ABCB1: variants seen among roughly 807,000 people sequenced by gnomAD.
ABCB1 encodes ATP binding cassette subfamily B member 1, also known as ATP-dependent translocase ABCB1.
In ABCB1, 69 loss-of-function variants were observed where a neutral mutation model predicts 142.0. The observed-to-expected ratio is 0.49, with a 90% CI of 0.40 to 0.59. ABCB1 has a LOEUF of 0.59. ABCB1 is among the 20% of genes least tolerant of loss of function. The probability of loss-of-function intolerance (pLI) is 0.00; values close to 1 mark genes in which losing one functional copy is unlikely to be tolerated. For synonymous variants in ABCB1, 532 were observed against 539.2 expected (o/e 0.99, Z 0.18); for missense variants, 1,326 against 1,554.7 (o/e 0.85, Z 2.47).
rs1171988954 is a variant in ABCB1, at chr7:87,515,892, T to C, written c.3085-464A>G. 3.3e-5 allele frequency among the ~76,000 whole-genome samples: 5 copies of C among 152,300 alleles called. No individual in the cohort carries two copies. The South Asian group carries it at 8.3e-4, about 25-fold the overall frequency. ...GATTACAGGCATGAGCCACTGTGCT[T>C]GACCTCAGACTGCTAGAATTTAATA... On this transcript the variant is annotated intron_variant, in intron 24 of 27. Coordinates refer to ENST00000622132, the MANE Select transcript of ABCB1 (RefSeq NM_001348946.2).
intron 1 of ABCB1, among the ~76,000 whole-genome samples, chr7:87,644,855 A>C (rs942043859): frequency 6.6e-6 from 1 of 151,906 alleles, no homozygotes; most frequent in African/African-American, 2.4e-5. Flanking sequence ...CATTAAAGAA[A>C]ATTATTTTTG....
At chr7:87,556,918 C>G (rs1166875120) in intron 8 of ABCB1, among the ~76,000 whole-genome samples, 1 of 152,036 alleles carries the variant, frequency 6.6e-6, no homozygotes, top group Non-Finnish European at 1.5e-5. Flanking sequence ...ATGACGTTTC[C>G]TAGAACATAC....
At chr7:87,628,896 AGCG>A in intron 1 of ABCB1, 1 of 1,304,556 alleles carries the variant, frequency 7.7e-7, no homozygotes. Flanking sequence ...GAAAAGCCTG[AGCG>A]CCCGCAATGC....
intron 15 of ABCB1, 107 bp from the exon 16 acceptor site, chr7:87,545,106 C>T (rs1584865870): frequency 4.0e-6 from 4 of 991,500 alleles, no homozygotes; most frequent in Non-Finnish European, 4.6e-6. Flanking sequence ...TGTTTAGTAA[C>T]TGCAGAAAAG....
chr7:87,583,342 G>A (rs1473429760), intron 4 of ABCB1, among the ~76,000 whole-genome samples: 2 of 152,106 alleles, frequency 1.3e-5, no homozygotes, highest in African/African-American at 4.8e-5. Flanking sequence ...TGTGGTTTTT[G>A]AGCCAGGCAG....
Position 87,509,681 on chromosome 7 carries a change from T to C in ABCB1, c.3283-200A>G, listed in dbSNP as rs573662693. Among the ~76,000 whole-genome samples the C allele has an allele frequency of 1.6e-3, 251 of 152,348 alleles. 1 individual carries two copies. The highest frequency in any genetic ancestry group is 5.7e-3 in the African/African-American group (236 of 41,580). On this transcript the variant is annotated intron_variant, in intron 25 of 27. Coordinates refer to ENST00000622132, the MANE Select transcript of ABCB1 (RefSeq NM_001348946.2). ...TTGAGGAACTGTCATGTTTCCTGTG[T>C]TTCAACCATGGTTTCTGATGTATGC...
intron 2 of ABCB1, among the ~76,000 whole-genome samples, chr7:87,598,453 T>G (rs1050730177): frequency 1.3e-5 from 2 of 152,200 alleles, no homozygotes; most frequent in African/African-American, 2.4e-5. Flanking sequence ...TCGGTTAAGG[T>G]GCTAACTGCA....
intron 1 of ABCB1, among the ~76,000 whole-genome samples, chr7:87,610,232 C>CTTTTTTTTTTT (rs914468581): frequency 7.7e-5 from 9 of 117,038 alleles, no homozygotes; most frequent in African/African-American, 1.9e-4. Context: ...CTTTTTCTTT[C>CTTTTTTTTTTT]TTTTTTTTTT....
intron 23 of ABCB1, among the ~76,000 whole-genome samples, chr7:87,517,029 G>A (rs937590874): frequency 2.0e-5 from 3 of 152,122 alleles, no homozygotes; most frequent in Admixed American, 2.0e-4. Flanking sequence ...GAGCCACCAT[G>A]CCTGGCCAAA....
chr7:87,547,540 C>A (rs1816837457), intron 14 of ABCB1, among the ~76,000 whole-genome samples: 2 of 151,796 alleles, frequency 1.3e-5, no homozygotes, highest in Non-Finnish European at 2.9e-5. Flanking sequence ...CCAGTCGGGG[C>A]AAGATAGTGA....
At chr7:87,703,412 G>C (rs145818951) in intron 1 of ABCB1, among the ~76,000 whole-genome samples, 1 of 152,046 alleles carries the variant, frequency 6.6e-6, no homozygotes, top group South Asian at 2.1e-4. Flanking sequence ...AACATTTTTA[G>C]CTCCTTAATA....
rs566133643 is a variant in ABCB1, at chr7:87,587,755, A to G, written c.118-2075T>C. Among the ~76,000 whole-genome samples the G allele has an allele frequency of 1.6e-3, 242 of 151,974 alleles. 2 individuals carry two copies. In the Middle Eastern group the frequency reaches 0.017, roughly 11 times the overall value. ...CCGGATGTGGTGGCAGGCGCCTGTA[A>G]TCCCAGCTACTCAGGAGGCTGAGGC... is the stretch of plus-strand genomic sequence containing the variant. On this transcript the variant is annotated intron_variant, in intron 3 of 27. Transcript: ENST00000622132.
At chr7:87,702,891 T>C (rs1382602437) in intron 1 of ABCB1, among the ~76,000 whole-genome samples, 1 of 152,190 alleles carries the variant, frequency 6.6e-6, no homozygotes, top group Non-Finnish European at 1.5e-5. Context: ...CCAAGCATTT[T>C]GGAAAAGGTA....
At chr7:87,558,047 A>G (rs1422187732) in intron 8 of ABCB1, among the ~76,000 whole-genome samples, 1 of 152,138 alleles carries the variant, frequency 6.6e-6, no homozygotes, top group African/African-American at 2.4e-5. Flanking sequence ...TGAAGGAAGG[A>G]AAAAAACCTC....
chr7:87,631,753 A>T (rs901280566), intron 1 of ABCB1, among the ~76,000 whole-genome samples: 7 of 152,112 alleles, frequency 4.6e-5, no homozygotes, highest in African/African-American at 1.4e-4. Flanking sequence ...AAAGAAGTTG[A>T]TCTGGTGGAA....
chr7:87,699,660 C>T lies in ABCB1; in HGVS notation c.-331+13501G>A, dbSNP rs143830257. The stretch of plus-strand genomic sequence containing the variant: ...GCCTCAGGTGATCCACCCACCTTGG[C>T]CTTCCAAAGTGCTGAGATTACAAGC... On this transcript the variant is annotated intron_variant, in intron 1 of 28. Coordinates refer to the ABCB1 transcript ENST00000265724. Among the ~76,000 whole-genome samples, 16 of 152,322 alleles carry T rather than the reference C, an allele frequency of 1.1e-4. No individual in the cohort carries two copies. In the East Asian group the frequency reaches 3.1e-3, roughly 29 times the overall value.
rs982124468 is a variant in ABCB1 at position 87,549,881 on chromosome 7, A to G, written c.1524T>C (p.Asn508=). The stretch of plus-strand genomic sequence containing the variant: ...GCAGTTTCATGATAAAGTCATAGGC[A>G]TTGGCTTCCTTGACAGCTTTCTCAA... The part of the protein sequence containing the change: ...DEIEKAVKEA[N]AYDFIMKLPH... The change falls in exon 13 of 28, where the codon AAT becomes AAC. Residue 508 remains asparagine, a synonymous_variant. Coordinates refer to ENST00000622132, the MANE Select transcript of ABCB1 (RefSeq NM_001348946.2). 6.2e-7 allele frequency: 1 copy of G among 1,614,202 alleles called. No homozygotes were observed. The highest frequency in any genetic ancestry group is 2.2e-5 in the East Asian group (1 of 44,886).
At chr7:87,637,199 C>G (rs149086322) in intron 1 of ABCB1, among the ~76,000 whole-genome samples, 8 of 152,162 alleles carry the variant, frequency 5.3e-5, no homozygotes, top group Non-Finnish European at 1.2e-4. Context: ...CATACTTTCT[C>G]CACTACACTC....
At chr7:87,668,119 CT>C (rs368910521) in intron 1 of ABCB1, among the ~76,000 whole-genome samples, 555 of 137,502 alleles carry the variant, frequency 4.0e-3, no homozygotes, top group African/African-American at 1.0e-2. Context: ...AGGCCCTTGG[CT>C]TTTTTTTTTT....
Sources: allele counts gnomAD v4.1 joint callset (sites outside exome capture counted in the v4.1 genomes callset), GRCh38; gene constraint gnomAD v4.1.1; transcripts MANE v1.5; gene names NCBI Gene and HGNC (gene_info 2026-07-23, HGNC 2026-07-21).